CAV2: variants seen among roughly 807,000 people sequenced by gnomAD.
CAV2 encodes the protein caveolin-2.
A neutral mutation model predicts 15.5 loss-of-function variants in CAV2; 7 were observed. The observed-to-expected ratio is 0.45, with a 90% confidence interval of 0.26 to 0.85. CAV2 has a LOEUF of 0.85. Among genes scored for constraint, CAV2 ranks in the 40% least tolerant of loss-of-function variants. The pLI is 0.18. For missense variants in CAV2, 229 were observed against 208.8 expected, an observed-to-expected ratio of 1.10 and a Z score of -0.60; for synonymous variants, 76 against 83.1, an observed-to-expected ratio of 0.91 and a Z score of 0.46.
intron 2 of CAV2, chr7:116,500,692 T>A: frequency 2.0e-6 from 1 of 493,074 alleles, no homozygotes; most frequent in Non-Finnish European, 3.6e-6. Flanking sequence ...TTTCCTTGCA[T>A]ACATAAGGCT....
intron 2 of CAV2, among the ~76,000 whole-genome samples, chr7:116,503,942 G>C (rs1263419716): frequency 8.3e-6 from 1 of 120,338 alleles, no homozygotes; most frequent in Admixed American, 8.8e-5. Context: ...AGGGAGGGAG[G>C]GAGGAAGACA....
Position 116,500,279 on chromosome 7 carries a change from T to TC in CAV2, c.171dup (p.Ala58ArgfsTer10). 1 of 1,614,106 alleles carries TC rather than the reference T, an allele frequency of 6.2e-7. No individual in the cohort carries two copies. Among genetic ancestry groups the TC allele is most frequent in the Non-Finnish European group, 8.5e-7 (1 of 1,179,978 alleles). On this transcript the variant is annotated frameshift_variant, in exon 2 of 3. Coordinates refer to ENST00000222693, the MANE Select transcript of CAV2 (RefSeq NM_001233.5). LOFTEE classifies it high-confidence loss of function. Reference sequence around the variant, plus strand: ...CCTCAGCTGGGCTTCGAGGATGTGATCGCAGAGCCGGTGACTACGCACTCC... The same window carrying TC: ...CCTCAGCTGGGCTTCGAGGATGTGATCCGCAGAGCCGGTGACTACGCACTCC...
At chr7:116,505,915 C>A in intron 2 of CAV2, 56 bp from the exon 3 acceptor site, 2 of 1,259,194 alleles carry the variant, frequency 1.6e-6, no homozygotes, top group Non-Finnish European at 1.1e-6. Context: ...ATGTACAAGA[C>A]AGACCTTATT....
chr7:116,500,428 C>T lies in CAV2; in HGVS notation c.319C>T (p.Leu107Phe), dbSNP rs746988168. The T allele has an allele frequency of 2.5e-6, 4 of 1,613,436 alleles. No individual in the cohort carries two copies. In the Admixed American group the frequency reaches 5.0e-5, roughly 20 times the overall value. The change falls in exon 2 of 3, where the codon CTC becomes TTC. Residue 107 changes from leucine to phenylalanine, a missense_variant. Leu to Phe is a conservative substitution (Grantham distance 22). Transcript: ENST00000222693. The stretch of plus-strand genomic sequence containing the variant: ...CATTGCGGGAATTCTCTTTGCCACC[C>T]TCAGCTGTCTGCACATCTGGTGAGA... ...AFIAGILFAT[L>F]SCLHIWILMP...
intron 2 of CAV2, among the ~76,000 whole-genome samples, chr7:116,501,982 G>C (rs1323907303): frequency 6.6e-6 from 1 of 152,102 alleles, no homozygotes; most frequent in Non-Finnish European, 1.5e-5. Flanking sequence ...TAAGATTTGG[G>C]ATTCCCAATT....
chr7:116,506,464 T>G lies in CAV2; in HGVS notation c.*343T>G, dbSNP rs1793242018. On this transcript the variant is annotated 3_prime_UTR_variant, in exon 3 of 3. Transcript: ENST00000222693. ...TTTCTATAAAAATACTACAATAGTT[T>G]TATGCACAACTTCCCATTAAAAATG... 5.4e-6 allele frequency: 1 copy of G among 186,184 alleles called. No homozygotes were observed. The highest frequency in any genetic ancestry group is 6.0e-5 in the Admixed American group (1 of 16,530). The allele number at this position is 186,184 out of a possible 1,614,324, so 11.5% of individuals were successfully genotyped here.
chr7:116,504,678 G>A (rs1793190610), intron 2 of CAV2, among the ~76,000 whole-genome samples: 1 of 152,178 alleles, frequency 6.6e-6, no homozygotes, highest in African/African-American at 2.4e-5. Flanking sequence ...GCTACCAGCA[G>A]TGCCTGAAAA....
rs1464170122 is a variant in CAV2, at chr7:116,506,419, C to G, written c.*298C>G. 2 of 259,726 alleles carry G rather than the reference C, an allele frequency of 7.7e-6. No homozygotes were observed. Among genetic ancestry groups the G allele is most frequent in the Non-Finnish European group, 7.2e-6 (1 of 138,768 alleles). The allele number at this position is 259,726 out of a possible 1,614,324, so 16.1% of individuals were successfully genotyped here. A position where few individuals can be genotyped will look rare whatever the true frequency, so the allele number is the denominator to read the frequency against. Reference sequence around the variant, plus strand: ...ATAGTATACATTTTATAATGATGAACTTATAATGATTAAGGGACATTTCTA... The same window carrying G: ...ATAGTATACATTTTATAATGATGAAGTTATAATGATTAAGGGACATTTCTA... On this transcript the variant is annotated 3_prime_UTR_variant, in exon 3 of 3. Transcript: ENST00000222693.
chr7:116,502,774 A>G (rs1056051046), intron 2 of CAV2, among the ~76,000 whole-genome samples: 1 of 152,180 alleles, frequency 6.6e-6, no homozygotes, highest in Non-Finnish European at 1.5e-5. Context: ...TAAAACACAG[A>G]AGTCTGGTGG....
At chr7:116,500,171 C>T (rs930299183) in intron 1 of CAV2, 89 bp from the exon 2 acceptor site, 1 of 1,539,820 alleles carries the variant, frequency 6.5e-7, no homozygotes, top group South Asian at 1.3e-5. Context: ...GCACGTCCTT[C>T]CCTCCTGCTT....
chr7:116,500,692 T>C (rs1475651882), intron 2 of CAV2: 11 of 492,956 alleles, frequency 2.2e-5, no homozygotes, highest in Admixed American at 3.7e-5. Context: ...TTTCCTTGCA[T>C]ACATAAGGCT....
rs1793288248 is a variant in CAV2, at chr7:116,508,221, A to G, written c.*2100A>G. On this transcript the variant is annotated 3_prime_UTR_variant, in exon 3 of 3. Transcript: ENST00000222693. ...AAACCAAAAACATTTGATTAATAAA[A>G]TATCTATTTGAATAAATTATGAGCT... is the stretch of plus-strand genomic sequence containing the variant. 1.3e-5 allele frequency: 2 copies of G among 152,248 alleles called. No individual in the cohort carries two copies. The highest frequency in any genetic ancestry group is 4.8e-5 in the African/African-American group (2 of 41,468). 9.4% of individuals were successfully genotyped at this position (152,248 alleles called of 1,614,324 possible). A position where few individuals can be genotyped will look rare whatever the true frequency, so the allele number is the denominator to read the frequency against.
At position 116,506,129 on chromosome 7, in the gene CAV2, G is replaced by C; in HGVS notation, c.*8G>C. ...CAACTGAGCCAGGATTGAATACTTG[G>C]ACCCCAGGTCTGGAGATTGGGATAC... On this transcript the variant is annotated 3_prime_UTR_variant, in exon 3 of 3. Coordinates refer to ENST00000222693, the MANE Select transcript of CAV2 (RefSeq NM_001233.5). 4.3e-6 allele frequency: 7 copies of C among 1,613,952 alleles called. No homozygotes were observed. The highest frequency in any genetic ancestry group is 5.9e-6 in the Non-Finnish European group (7 of 1,179,884).
intron 2 of CAV2, among the ~76,000 whole-genome samples, chr7:116,503,133 C>T (rs1793141330): frequency 6.7e-6 from 1 of 149,912 alleles, no homozygotes; most frequent in South Asian, 2.1e-4. Flanking sequence ...ATATATTATC[C>T]AAGGAATATA....
At chr7:116,500,063 C>A in intron 1 of CAV2, 132 bp downstream of exon 1, 1 of 1,470,900 alleles carries the variant, frequency 6.8e-7, no homozygotes, top group Non-Finnish European at 9.0e-7. Flanking sequence ...GCACCCTTCC[C>A]CGGTCCCACC....
chr7:116,500,639 G>C, intron 2 of CAV2, 192 bp downstream of exon 2: 2 of 579,796 alleles, frequency 3.4e-6, no homozygotes, highest in Non-Finnish European at 6.1e-6. Flanking sequence ...TGGGCTTGGA[G>C]TTTCAACAGG....
chr7:116,500,765 C>T (rs552082740), intron 2 of CAV2: 34 of 313,782 alleles, frequency 1.1e-4, no homozygotes, highest in Non-Finnish European at 1.9e-4. Flanking sequence ...CTCTCGGGGC[C>T]CTGTTGTGAC....
chr7:116,504,382 T>C (rs1012977042), intron 2 of CAV2, among the ~76,000 whole-genome samples: 29 of 152,304 alleles, frequency 1.9e-4, no homozygotes, highest in Admixed American at 3.3e-4. Flanking sequence ...ATCATTGAGG[T>C]TTCTATTCAG....
At position 116,506,593 on chromosome 7, in the gene CAV2, A is replaced by T. The variant is rs1314548903; in HGVS notation, c.*472A>T. 6.5e-6 allele frequency: 1 copy of T among 152,734 alleles called. No individual in the cohort carries two copies. The highest frequency in any genetic ancestry group is 2.4e-5 in the African/African-American group (1 of 41,472). 9.5% of individuals were successfully genotyped at this position (152,734 alleles called of 1,614,324 possible). A position where few individuals can be genotyped will look rare whatever the true frequency, so the allele number is the denominator to read the frequency against. ...TACTGAGAATATACAATGATCCTGG[A>T]AATTGCAGTAACAAAAGCACACAAC... is the stretch of plus-strand genomic sequence containing the variant. On this transcript the variant is annotated 3_prime_UTR_variant, in exon 3 of 3. Transcript: ENST00000222693.
Sources: allele counts gnomAD v4.1 joint callset (sites outside exome capture counted in the v4.1 genomes callset), GRCh38; gene constraint gnomAD v4.1.1; transcripts MANE v1.5; gene names NCBI Gene and HGNC (gene_info 2026-07-23, HGNC 2026-07-21).